MAGI2: variants seen among roughly 807,000 people sequenced by gnomAD.
MAGI2 encodes the protein membrane-associated guanylate kinase, WW and PDZ domain-containing protein 2.
A neutral mutation model predicts 133.3 loss-of-function variants in MAGI2; 35 were observed. The observed-to-expected ratio is 0.26, with a 90% CI of 0.20 to 0.35. The LOEUF is 0.35. Among genes scored for constraint, MAGI2 ranks in the 10% least tolerant of loss-of-function variants. The pLI is 1.00. For missense variants in MAGI2, 1,636 were observed against 1,863.4 expected, an observed-to-expected ratio of 0.88 and a Z score of 2.25; for synonymous variants, 729 against 710.6, an observed-to-expected ratio of 1.03 and a Z score of -0.41.
At chr7:79,265,701 AAAG>A (rs1834407259) in intron 1 of MAGI2, among the ~76,000 whole-genome samples, 1 of 152,136 alleles carries the variant, frequency 6.6e-6, no homozygotes, top group Non-Finnish European at 1.5e-5. Context: ...TTTTAAAATT[AAAG>A]AAGTTCTCAT....
intron 2 of MAGI2, among the ~76,000 whole-genome samples, chr7:78,961,805 G>A (rs1802866186): frequency 6.6e-6 from 1 of 152,006 alleles, no homozygotes; most frequent in South Asian, 2.1e-4. Flanking sequence ...AAATGTGTCT[G>A]TAGTTGATAC....
intron 1 of MAGI2, among the ~76,000 whole-genome samples, chr7:79,197,184 G>A (rs542182020): frequency 6.6e-6 from 1 of 151,756 alleles, no homozygotes; most frequent in Non-Finnish European, 1.5e-5. Context: ...GTGGGTACTT[G>A]TCATCTGCTA....
chr7:78,403,895 T>A (rs1387326546), intron 6 of MAGI2, among the ~76,000 whole-genome samples: 1 of 152,176 alleles, frequency 6.6e-6, no homozygotes, highest in Non-Finnish European at 1.5e-5. Context: ...GCAGATGACA[T>A]GATTGTGTAT....
intron 1 of MAGI2, among the ~76,000 whole-genome samples, chr7:79,335,260 C>A (rs898670382): frequency 6.6e-6 from 1 of 152,018 alleles, no homozygotes; most frequent in Non-Finnish European, 1.5e-5. Context: ...CAGAGCAGAG[C>A]GTTTAGGTTG....
At chr7:79,347,929 C>A (rs552005665) in intron 1 of MAGI2, among the ~76,000 whole-genome samples, 1 of 151,806 alleles carries the variant, frequency 6.6e-6, no homozygotes, top group African/African-American at 2.4e-5. Context: ...GTTAGTATCA[C>A]GTATACATTA....
chr7:78,447,580 G>T (rs1271669577), intron 6 of MAGI2, among the ~76,000 whole-genome samples: 1 of 152,076 alleles, frequency 6.6e-6, no homozygotes, highest in Non-Finnish European at 1.5e-5. Context: ...TGGGAAGCAT[G>T]TCAGTGACAT....
intron 21 of MAGI2, chr7:78,065,660 T>C (rs766231240): frequency 1.5e-6 from 1 of 687,482 alleles, no homozygotes; most frequent in South Asian, 1.6e-5. Flanking sequence ...GAAGGTACCA[T>C]TCCTAAAGGA....
At chr7:79,060,401 T>C (rs1205454473) in intron 1 of MAGI2, among the ~76,000 whole-genome samples, 1 of 152,138 alleles carries the variant, frequency 6.6e-6, no homozygotes, top group African/African-American at 2.4e-5. Flanking sequence ...TAATGGTAGT[T>C]ACCTCTAAGT....
At chr7:78,040,340 AG>A (rs1563039931) in intron 21 of MAGI2, among the ~76,000 whole-genome samples, 5 of 54,786 alleles carry the variant, frequency 9.1e-5, no homozygotes, top group Admixed American at 6.4e-4. Context: ...AGCGAGGATG[AG>A]GGGAGGCACA....
chr7:78,566,166 G>A (rs1563178143), intron 3 of MAGI2, among the ~76,000 whole-genome samples: 1 of 152,148 alleles, frequency 6.6e-6, no homozygotes, highest in African/African-American at 2.4e-5. Context: ...ATGCCTCACA[G>A]AACCATGTGA....
intron 10 of MAGI2, among the ~76,000 whole-genome samples, chr7:78,209,439 T>A (rs1292905604): frequency 4.0e-5 from 6 of 150,924 alleles, no homozygotes; most frequent in Non-Finnish European, 5.9e-5. Flanking sequence ...AATTTGTATT[T>A]TTAGTAGAGA....
At chr7:78,858,850 C>A (rs1323867672) in intron 2 of MAGI2, among the ~76,000 whole-genome samples, 2 of 152,050 alleles carry the variant, frequency 1.3e-5, no homozygotes, top group African/African-American at 2.4e-5. Flanking sequence ...TAAAGTCTCC[C>A]ATTATTATTG....
chr7:79,214,667 A>G (rs938934433), intron 1 of MAGI2, among the ~76,000 whole-genome samples: 2 of 140,588 alleles, frequency 1.4e-5, no homozygotes, highest in East Asian at 4.0e-4. Context: ...ATTTATAATT[A>G]TGAAATATAA....
intron 21 of MAGI2, among the ~76,000 whole-genome samples, chr7:78,066,186 G>T (rs1813790098): frequency 6.6e-6 from 1 of 152,124 alleles, no homozygotes; most frequent in African/African-American, 2.4e-5. Context: ...TCATGGTCAG[G>T]CACGGTGGCT....
rs10675572 is a variant in MAGI2 at position 78,592,828 on chromosome 7, C to CTTTTT, written c.538+34287_538+34291dup. On this transcript the variant is annotated intron_variant, in intron 3 of 21. Transcript: ENST00000354212. ...TGCCCTCCGAAAAATTACTGATTCT[C>CTTTTT]TTTTTTTTTTTTTTTTTTTTTTTTG... is the stretch of plus-strand genomic sequence containing the variant. 6.7e-3 allele frequency among the ~76,000 whole-genome samples: 712 copies of CTTTTT among 106,758 alleles called. 12 individuals are homozygous for CTTTTT. The highest frequency in any genetic ancestry group is 8.0e-3 in the Non-Finnish European group (455 of 56,802). The allele number at this position is 106,758 out of a possible 152,430, so 70.0% of individuals were successfully genotyped here.
rs138876253 is a variant in MAGI2 at position 78,626,365 on chromosome 7, C to G, written c.538+755G>C. ...ATGCAATCATATCAACATACTGTTACTTATTTGTATTTTTAATGCCATCAT... is the reference window on the plus strand; with the variant it reads ...ATGCAATCATATCAACATACTGTTAGTTATTTGTATTTTTAATGCCATCAT... On this transcript the variant is annotated intron_variant, in intron 3 of 21. Transcript: ENST00000354212. Among the ~76,000 whole-genome samples the G allele has an allele frequency of 7.5e-3, 1,134 of 152,082 alleles. 7 individuals are homozygous for G. The highest frequency in any genetic ancestry group is 0.011 in the Non-Finnish European group (731 of 67,986).
chr7:78,826,490 A>G (rs1242532941), intron 2 of MAGI2, among the ~76,000 whole-genome samples: 2 of 152,138 alleles, frequency 1.3e-5, no homozygotes, highest in Admixed American at 1.3e-4. Flanking sequence ...ATTGGTTTCC[A>G]GAGTTTGGTG....
intron 6 of MAGI2, among the ~76,000 whole-genome samples, chr7:78,468,349 C>T (rs936973899): frequency 4.6e-5 from 7 of 151,966 alleles, no homozygotes; most frequent in African/African-American, 1.5e-4. Context: ...AATATAAATG[C>T]GTGACATATG....
intron 3 of MAGI2, among the ~76,000 whole-genome samples, chr7:78,578,124 T>C (rs1247962038): frequency 6.6e-6 from 1 of 151,946 alleles, no homozygotes; most frequent in African/African-American, 2.4e-5. Flanking sequence ...TGGCAGGATA[T>C]AATTATATTT....
Sources: gnomAD v4.1 joint callset for allele counts (sites outside exome capture counted in the v4.1 genomes callset) on GRCh38, gnomAD v4.1.1 for gene constraint, MANE v1.5 for transcripts, NCBI Gene and HGNC (gene_info 2026-07-23, HGNC 2026-07-21) for gene names.